Variants in SYT16 observed in about 807,000 individuals in gnomAD.
The protein encoded by SYT16 is synaptotagmin 16, also known as synaptotagmin-16.
SYT16 carries 42 observed loss-of-function variants against 61.4 expected under a neutral mutation model. The ratio of observed to expected loss-of-function variants is 0.68; its 90% CI spans 0.53 to 0.89. The LOEUF is 0.89. Ranked by LOEUF, SYT16 falls within the 40% of genes least tolerant of loss-of-function variation. The pLI is 0.00. For synonymous variants in SYT16, 314 were observed against 302.3 expected (o/e 1.04, Z -0.40); for missense variants, 804 against 807.3 (o/e 1.00, Z 0.05).
chr14:62,085,253 G>A (rs2056846959), intron 7 of SYT16, among the ~76,000 whole-genome samples: 1 of 152,272 alleles, frequency 6.6e-6, no homozygotes, highest in Non-Finnish European at 1.5e-5. Flanking sequence ...CTTGAAAGGG[G>A]GGCAGGAAGA....
chr14:62,030,247 C>T (rs1237136120), intron 3 of SYT16, among the ~76,000 whole-genome samples: 8 of 152,122 alleles, frequency 5.3e-5, no homozygotes, highest in African/African-American at 1.4e-4. Context: ...TCTCTGACTC[C>T]GTATTTTGAT....
chr14:62,079,759 C>A (rs1192658330), intron 5 of SYT16, among the ~76,000 whole-genome samples: 1 of 152,166 alleles, frequency 6.6e-6, no homozygotes, highest in African/African-American at 2.4e-5. Context: ...TTATTATTGA[C>A]ATTATTTATA....
chr14:61,878,184 T>G (rs1244298114), intron 1 of SYT16, among the ~76,000 whole-genome samples: 1 of 152,094 alleles, frequency 6.6e-6, no homozygotes, highest in East Asian at 1.9e-4. Flanking sequence ...CTTTTTATCT[T>G]CACAAAGAAA....
At chr14:62,018,232 T>G (rs567219541) in intron 3 of SYT16, among the ~76,000 whole-genome samples, 8 of 151,924 alleles carry the variant, frequency 5.3e-5, no homozygotes, top group Non-Finnish European at 1.0e-4. Flanking sequence ...ATTCTGTTCC[T>G]TTCTCTTTGC....
intron 5 of SYT16, 39 bp downstream of exon 5, chr14:62,075,430 TC>T (rs2056451740): frequency 1.3e-6 from 2 of 1,556,772 alleles, no homozygotes; most frequent in African/African-American, 2.7e-5. Flanking sequence ...TGGTTCCCTT[TC>T]CCCTTCCCCT....
chr14:62,027,807 G>A (rs1402761030), intron 3 of SYT16, among the ~76,000 whole-genome samples: 1 of 152,134 alleles, frequency 6.6e-6, no homozygotes, highest in Non-Finnish European at 1.5e-5. Context: ...TGAGTCTTGT[G>A]TTCTCCTTTT....
chr14:62,017,540 C>A (rs1161903656), intron 3 of SYT16, among the ~76,000 whole-genome samples: 1 of 152,132 alleles, frequency 6.6e-6, no homozygotes, highest in Non-Finnish European at 1.5e-5. Flanking sequence ...ATAGCAACTT[C>A]ATTCTTCTAG....
At chr14:62,037,777 A>G (rs1307313985) in intron 3 of SYT16, among the ~76,000 whole-genome samples, 1 of 152,192 alleles carries the variant, frequency 6.6e-6, no homozygotes, top group African/African-American at 2.4e-5. Context: ...TGGACTTGGC[A>G]TGTCTAAGCT....
rs1216068817 is a variant in SYT16 at position 62,018,926 on chromosome 14, TG to T, written c.523+22385del. ...CCACCTCTTTCACTGGTGTTGCCCC[TG>T]CATCTGCGCTTGCCTCATGGTGGTA... On this transcript the variant is annotated intron_variant, in intron 3 of 7. Transcript: ENST00000683842. Among the ~76,000 whole-genome samples the T allele has an allele frequency of 2.6e-5, 4 of 152,370 alleles. No individual in the cohort carries two copies. The East Asian group carries it at 7.7e-4, about 29-fold the overall frequency.
chr14:62,098,613 G>A (rs1336457336), intron 7 of SYT16, among the ~76,000 whole-genome samples: 1 of 152,206 alleles, frequency 6.6e-6, no homozygotes, highest in African/African-American at 2.4e-5. Context: ...GAAAGAAAAA[G>A]TTGAGCTTCC....
At chr14:62,068,246 A>T (rs56823451) in intron 3 of SYT16, among the ~76,000 whole-genome samples, 15,731 of 152,176 alleles carry the variant, frequency 0.1, 1,033 homozygotes, top group African/African-American at 0.19. Flanking sequence ...AAAAATTTTT[A>T]AAAAGGAGAT....
intron 1 of SYT16, among the ~76,000 whole-genome samples, chr14:61,814,870 C>T (rs2045379964): frequency 6.6e-6 from 1 of 152,156 alleles, no homozygotes; most frequent in South Asian, 2.1e-4. Context: ...AAAGCTTGAC[C>T]ATGTTTGCAG....
chr14:61,993,853 A>G (rs1283475858), intron 2 of SYT16, among the ~76,000 whole-genome samples: 2 of 152,132 alleles, frequency 1.3e-5, no homozygotes, highest in East Asian at 3.9e-4. Flanking sequence ...CATGATTTTT[A>G]ATAGGATTTG....
chr14:61,877,219 C>A (rs1209003047), intron 1 of SYT16, among the ~76,000 whole-genome samples: 1 of 152,052 alleles, frequency 6.6e-6, no homozygotes, highest in Admixed American at 6.6e-5. Flanking sequence ...TGCAGTACTC[C>A]GCCTTTTGTC....
At chr14:61,920,074 A>G (rs184938892) in intron 1 of SYT16, among the ~76,000 whole-genome samples, 2 of 152,150 alleles carry the variant, frequency 1.3e-5, no homozygotes, top group Admixed American at 6.5e-5. Context: ...ACATACACAC[A>G]TTGCTGTTTC....
chr14:62,095,072 G>A (rs970826259), intron 7 of SYT16, among the ~76,000 whole-genome samples: 1 of 151,958 alleles, frequency 6.6e-6, no homozygotes, highest in Non-Finnish European at 1.5e-5. Flanking sequence ...CATTTTAAGG[G>A]TTTATATCTT....
chr14:62,111,268 G>T lies in SYT16; in HGVS notation c.*10561G>T, dbSNP rs1269217770. ...GAACTTTCATGAAAAAAATGTAAAT[G>T]TGAATGATTCATTCATTTTGAACAT... On this transcript the variant is annotated 3_prime_UTR_variant, in exon 8 of 8. Transcript: ENST00000683842. The T allele has an allele frequency of 6.6e-6, 1 of 151,982 alleles. No homozygotes were observed. Among genetic ancestry groups the T allele is most frequent in the African/African-American group, 2.4e-5 (1 of 41,418 alleles). 9.4% of individuals were successfully genotyped at this position (151,982 alleles called of 1,614,324 possible). A position where few individuals can be genotyped will look rare whatever the true frequency, so the allele number is the denominator to read the frequency against.
intron 1 of SYT16, among the ~76,000 whole-genome samples, chr14:61,836,678 C>T (rs575163576): frequency 1.1e-4 from 17 of 150,672 alleles, no homozygotes; most frequent in Middle Eastern, 3.4e-3. Flanking sequence ...ACCTACTCAA[C>T]TACCTTAAGA....
Position 62,011,145 on chromosome 14 carries a change from A to G in SYT16, c.523+14603A>G, listed in dbSNP as rs527694520. Among the ~76,000 whole-genome samples the G allele has an allele frequency of 2.7e-4, 41 of 152,350 alleles. 1 individual carries two copies. The South Asian group carries it at 2.7e-3, about 10-fold the overall frequency. On this transcript the variant is annotated intron_variant, in intron 3 of 7. Transcript: ENST00000683842. ...CAAATTAGGAATTTCTCGGTTTCTT[A>G]TAAGCAAAGATAAAGGTGTGAGCTC... is the stretch of plus-strand genomic sequence containing the variant.
Sources: gnomAD v4.1 joint callset for allele counts (sites outside exome capture counted in the v4.1 genomes callset) on GRCh38, gnomAD v4.1.1 for gene constraint, MANE v1.5 for transcripts, NCBI Gene and HGNC (gene_info 2026-07-23, HGNC 2026-07-21) for gene names.